Variants in KCNN2 observed in about 807,000 individuals in gnomAD.
The protein encoded by KCNN2 is potassium calcium-activated channel subfamily N member 2.
Under a neutral mutation model 55.5 loss-of-function variants are expected in KCNN2, and 24 were observed. The observed-to-expected ratio is 0.43, with a 90% CI of 0.31 to 0.61. KCNN2 has a LOEUF of 0.61. KCNN2 is among the 20% of genes least tolerant of loss of function. The probability of loss-of-function intolerance (pLI) is 0.08; values close to 1 mark genes in which losing one functional copy is unlikely to be tolerated. For synonymous variants in KCNN2, 431 were observed against 336.1 expected (o/e 1.28, Z -3.09); for missense variants, 754 against 853.6 (o/e 0.88, Z 1.45).
intron 3 of KCNN2, among the ~76,000 whole-genome samples, chr5:114,435,204 G>C (rs893890831): frequency 2.0e-5 from 3 of 147,942 alleles, no homozygotes; most frequent in African/African-American, 7.4e-5. Flanking sequence ...ACAGTCTCTA[G>C]CAATTAGTCA....
chr5:114,090,287 T>A (rs116538404), intron 1 of KCNN2, among the ~76,000 whole-genome samples: 2,356 of 152,252 alleles, frequency 0.015, 55 homozygotes, highest in African/African-American at 0.053. Context: ...GATATACTGA[T>A]TCTTTTAAGG....
chr5:114,187,221 C>G (rs1396107758), intron 1 of KCNN2, among the ~76,000 whole-genome samples: 3 of 152,026 alleles, frequency 2.0e-5, no homozygotes, highest in African/African-American at 7.2e-5. Context: ...GCACCACCCC[C>G]ACCCCACTTT....
intron 2 of KCNN2, among the ~76,000 whole-genome samples, chr5:114,346,101 T>C (rs769661847): frequency 7.2e-5 from 11 of 152,156 alleles, no homozygotes; most frequent in Non-Finnish European, 1.6e-4. Flanking sequence ...CTTTTAATCA[T>C]TGCAGAAGGC....
At chr5:114,095,064 G>C (rs559005770) in intron 1 of KCNN2, among the ~76,000 whole-genome samples, 1 of 152,206 alleles carries the variant, frequency 6.6e-6, no homozygotes, top group South Asian at 2.1e-4. Flanking sequence ...CTAGAGTAGA[G>C]AGTGAAGAAT....
intron 1 of KCNN2, among the ~76,000 whole-genome samples, chr5:114,083,683 TAC>T (rs893127844): frequency 6.1e-4 from 93 of 152,266 alleles, no homozygotes; most frequent in African/African-American, 2.2e-3. Flanking sequence ...CCAGTATTGA[TAC>T]ATATTGTTAA....
At chr5:114,138,379 A>G (rs1173706425) in intron 1 of KCNN2, among the ~76,000 whole-genome samples, 2 of 152,148 alleles carry the variant, frequency 1.3e-5, no homozygotes, top group Admixed American at 6.6e-5. Context: ...TGTGCTTGAT[A>G]CCTAGAGGGG....
At chr5:114,294,138 A>C (rs1755956215) in intron 2 of KCNN2, among the ~76,000 whole-genome samples, 1 of 152,054 alleles carries the variant, frequency 6.6e-6, no homozygotes, top group Non-Finnish European at 1.5e-5. Flanking sequence ...CTTTTCAAAA[A>C]AACAGCTCCT....
At chr5:114,244,337 C>T (rs546870271) in intron 2 of KCNN2, among the ~76,000 whole-genome samples, 3 of 52,380 alleles carry the variant, frequency 5.7e-5, no homozygotes, top group African/African-American at 1.0e-4. Flanking sequence ...CTGGGCATGG[C>T]GGCTCATTGC....
intron 3 of KCNN2, among the ~76,000 whole-genome samples, chr5:114,430,001 T>C (rs554999525): frequency 5.2e-4 from 79 of 152,118 alleles, no homozygotes; most frequent in African/African-American, 1.8e-3. Context: ...ATTTTTTCAC[T>C]ATTAACACAC....
intron 2 of KCNN2, among the ~76,000 whole-genome samples, chr5:114,302,064 A>G (rs1276538987): frequency 6.6e-6 from 1 of 152,168 alleles, no homozygotes; most frequent in African/African-American, 2.4e-5. Flanking sequence ...ATTTTGTTCT[A>G]CCTTCCTAAA....
chr5:114,150,711 G>T (rs1752503417), intron 1 of KCNN2, among the ~76,000 whole-genome samples: 1 of 152,074 alleles, frequency 6.6e-6, no homozygotes. Context: ...CAGAAACTAG[G>T]CAGCTTCTTA....
chr5:114,348,186 T>A (rs980837381), intron 2 of KCNN2, among the ~76,000 whole-genome samples: 2 of 150,226 alleles, frequency 1.3e-5, no homozygotes, highest in African/African-American at 4.9e-5. Context: ...GGTCTCATGA[T>A]GCTGTATGTA....
At chr5:114,219,331 C>T (rs904973627) in intron 1 of KCNN2, among the ~76,000 whole-genome samples, 1 of 152,204 alleles carries the variant, frequency 6.6e-6, no homozygotes, top group African/African-American at 2.4e-5. Flanking sequence ...GCACTCATGG[C>T]TCCCAAGCTC....
At chr5:114,447,359 G>A (rs148206146) in intron 3 of KCNN2, among the ~76,000 whole-genome samples, 1 of 152,182 alleles carries the variant, frequency 6.6e-6, no homozygotes. Context: ...ATTGTATTTG[G>A]CTAAGAGTTT....
chr5:114,132,285 T>G (rs1752086702), intron 1 of KCNN2, among the ~76,000 whole-genome samples: 2 of 152,178 alleles, frequency 1.3e-5, no homozygotes, highest in South Asian at 4.1e-4. Context: ...AAGTCTTTAA[T>G]CCCTCTTGAG....
chr5:114,399,459 T>G (rs2150068260), intron 2 of KCNN2, among the ~76,000 whole-genome samples: 1 of 152,310 alleles, frequency 6.6e-6, no homozygotes, highest in African/African-American at 2.4e-5. Flanking sequence ...TATTTGATTG[T>G]GTTAGATTAG....
intron 2 of KCNN2, among the ~76,000 whole-genome samples, chr5:114,229,080 C>T (rs1389789017): frequency 6.6e-6 from 1 of 151,790 alleles, no homozygotes; most frequent in African/African-American, 2.4e-5. Context: ...AGCAGTAAAG[C>T]TATAAAATTT....
At chr5:114,450,439 T>A (rs1352427145) in intron 3 of KCNN2, among the ~76,000 whole-genome samples, 4 of 152,112 alleles carry the variant, frequency 2.6e-5, no homozygotes, top group Admixed American at 2.0e-4. Context: ...TATCCACTGG[T>A]CTGGAAGTTA....
chr5:114,199,611 T>C (rs1753629270), intron 1 of KCNN2, among the ~76,000 whole-genome samples: 1 of 79,436 alleles, frequency 1.3e-5, no homozygotes, highest in Non-Finnish European at 3.3e-5. Context: ...TTGGGTTTTA[T>C]ATTTTTTTTT....
Sources: allele counts gnomAD v4.1 joint callset (sites outside exome capture counted in the v4.1 genomes callset), GRCh38; gene constraint gnomAD v4.1.1; transcripts MANE v1.5; gene names NCBI Gene and HGNC (gene_info 2026-07-23, HGNC 2026-07-21).